The following PDE4D variants were observed in gnomAD, a reference collection of about 807,000 sequenced individuals.
PDE4D encodes the protein phosphodiesterase 4D, also known as 3',5'-cyclic-AMP phosphodiesterase 4D.
PDE4D carries 24 observed loss-of-function variants against 87.4 expected under a neutral mutation model. The ratio of observed to expected loss-of-function variants is 0.27; its 90% CI spans 0.20 to 0.39. The LOEUF (loss-of-function observed/expected upper bound fraction) is 0.39, where lower values mean the gene tolerates loss of function less well. Ranked by LOEUF, PDE4D falls within the 10% of genes least tolerant of loss-of-function variation. The pLI, the probability that PDE4D is intolerant of heterozygous loss-of-function variation, is 1.00. For missense variants in PDE4D, 714 were observed against 1,041.0 expected (o/e 0.69, Z 4.32); for synonymous variants, 384 against 383.2 (o/e 1.00, Z -0.02).
chr5:59,630,053 A>C (rs766315215), intron 1 of PDE4D, among the ~76,000 whole-genome samples: 5 of 152,238 alleles, frequency 3.3e-5, no homozygotes, highest in Non-Finnish European at 5.9e-5. Flanking sequence ...AAAATTTTAA[A>C]GTCTAGCAAA....
chr5:59,468,972 T>C (rs572190895), intron 1 of PDE4D, among the ~76,000 whole-genome samples: 2 of 152,216 alleles, frequency 1.3e-5, no homozygotes, highest in South Asian at 2.1e-4. Context: ...ATATGAGACA[T>C]TGTAGTGTTG....
chr5:59,229,573 C>CA (rs992529565), intron 1 of PDE4D, among the ~76,000 whole-genome samples: 15 of 151,986 alleles, frequency 9.9e-5, no homozygotes, highest in South Asian at 2.1e-4. Flanking sequence ...AAAAATAATA[C>CA]AAAAAAATCT....
intron 1 of PDE4D, among the ~76,000 whole-genome samples, chr5:59,616,941 A>ATATATATATATATATG (rs1278960416): frequency 7.3e-6 from 1 of 137,748 alleles, no homozygotes; most frequent in Admixed American, 7.4e-5. Context: ...ATATATATAT[A>ATATATATATATATATG]TATATCTCCA....
rs138794656 is a variant in PDE4D at position 60,284,183 on chromosome 5, T to C, written c.-89-98496A>G. 7.9e-4 allele frequency among the ~76,000 whole-genome samples: 120 copies of C among 152,308 alleles called. No individual in the cohort carries two copies. In the Middle Eastern group the frequency reaches 0.01, roughly 13 times the overall value. On this transcript the variant is annotated intron_variant, in intron 1 of 16. Transcript: ENST00000502484. Reference sequence around the variant, plus strand: ...TTACACCTATTTAGCACTCACCTTGTTTTAGGTAACTATGCCTGGTAGTAT... The same window carrying C: ...TTACACCTATTTAGCACTCACCTTGCTTTAGGTAACTATGCCTGGTAGTAT...
At chr5:60,190,872 T>A (rs1014175912) in intron 1 of PDE4D, among the ~76,000 whole-genome samples, 2 of 151,952 alleles carry the variant, frequency 1.3e-5, no homozygotes, top group Non-Finnish European at 2.9e-5. Context: ...AACTCCAGAG[T>A]GATGTGTTTC....
chr5:59,936,587 T>C (rs1431949263), intron 3 of PDE4D, among the ~76,000 whole-genome samples: 5 of 152,210 alleles, frequency 3.3e-5, no homozygotes, highest in African/African-American at 7.2e-5. Context: ...AGATAATAAC[T>C]GGGTTCTGAG....
chr5:60,221,118 G>C (rs1380711691), intron 1 of PDE4D, among the ~76,000 whole-genome samples: 1 of 151,978 alleles, frequency 6.6e-6, no homozygotes, highest in Non-Finnish European at 1.5e-5. Context: ...CTTAAAAATA[G>C]TCTTTAATAA....
chr5:59,177,410 C>T (rs1049254289), intron 5 of PDE4D, among the ~76,000 whole-genome samples: 1 of 152,060 alleles, frequency 6.6e-6, no homozygotes, highest in African/African-American at 2.4e-5. Context: ...AGAAACAAAA[C>T]CAAGTAATAA....
intron 1 of PDE4D, among the ~76,000 whole-genome samples, chr5:60,433,146 C>G (rs564487708): frequency 6.6e-6 from 1 of 152,060 alleles, no homozygotes; most frequent in Non-Finnish European, 1.5e-5. Flanking sequence ...AATAGACAAC[C>G]TACAGGATGG....
upstream of PDE4D, among the ~76,000 whole-genome samples, chr5:59,895,881 T>C (rs1390922205): frequency 2.0e-5 from 3 of 152,250 alleles, no homozygotes; most frequent in Non-Finnish European, 4.4e-5. Flanking sequence ...CCTTCCTTTT[T>C]ACTCATGAAA....
At chr5:60,204,468 T>G (rs1742281548) in intron 1 of PDE4D, among the ~76,000 whole-genome samples, 1 of 151,344 alleles carries the variant, frequency 6.6e-6, no homozygotes, top group Non-Finnish European at 1.5e-5. Flanking sequence ...AGCAGATATT[T>G]GTTGAGTGGC....
chr5:59,050,953 TGA>T (rs1465630339), intron 5 of PDE4D, among the ~76,000 whole-genome samples: 1 of 152,264 alleles, frequency 6.6e-6, no homozygotes, highest in African/African-American at 2.4e-5. Context: ...AGTTAATATT[TGA>T]GAGTTTCCTT....
At chr5:59,551,991 G>T (rs1321470373) in intron 1 of PDE4D, among the ~76,000 whole-genome samples, 1 of 152,076 alleles carries the variant, frequency 6.6e-6, no homozygotes, top group African/African-American at 2.4e-5. Flanking sequence ...CAACACAGGC[G>T]GATTGCTTGA....
intron 1 of PDE4D, among the ~76,000 whole-genome samples, chr5:59,509,173 C>A (rs1809821913): frequency 6.6e-6 from 1 of 151,204 alleles, no homozygotes; most frequent in African/African-American, 2.4e-5. Flanking sequence ...TTCAAAGCAC[C>A]CAAAAAGAAA....
chr5:59,042,411 G>A (rs938217704), intron 5 of PDE4D, among the ~76,000 whole-genome samples: 2 of 151,998 alleles, frequency 1.3e-5, no homozygotes, highest in African/African-American at 2.4e-5. Flanking sequence ...CCTAAATGTC[G>A]ACAGCTAGCA....
intron 1 of PDE4D, among the ~76,000 whole-genome samples, chr5:59,880,771 C>T (rs1235403529): frequency 6.6e-6 from 1 of 152,156 alleles, no homozygotes; most frequent in Non-Finnish European, 1.5e-5. Flanking sequence ...AGTCTGGGGT[C>T]CTCATGTCAT....
intron 1 of PDE4D, among the ~76,000 whole-genome samples, chr5:59,737,150 A>T (rs1758178371): frequency 6.6e-6 from 1 of 152,178 alleles, no homozygotes; most frequent in African/African-American, 2.4e-5. Context: ...AATTAATTAT[A>T]GCACTATTGT....
At chr5:60,185,675 G>A (rs1030947237) in exon 2 of PDE4D, 44 of 855,702 alleles carry the variant, frequency 5.1e-5, no homozygotes, top group Non-Finnish European at 7.2e-5. Flanking sequence ...CCACTCAAAA[G>A]CCAACTGGAA....
At chr5:59,742,537 G>T (rs1402518867) in intron 1 of PDE4D, among the ~76,000 whole-genome samples, 1 of 152,146 alleles carries the variant, frequency 6.6e-6, no homozygotes, top group Admixed American at 6.5e-5. Flanking sequence ...CCAAAATATA[G>T]TAAACCAGGC....
Sources: allele counts gnomAD v4.1 joint callset (sites outside exome capture counted in the v4.1 genomes callset), GRCh38; gene constraint gnomAD v4.1.1; transcripts MANE v1.5; gene names NCBI Gene and HGNC (gene_info 2026-07-23, HGNC 2026-07-21).